DOCK3: variants seen among roughly 807,000 people sequenced by gnomAD.
DOCK3 encodes the protein dedicator of cytokinesis 3.
In DOCK3, 60 loss-of-function variants were observed where a neutral mutation model predicts 265.6. The ratio of observed to expected loss-of-function variants is 0.23; its 90% confidence interval spans 0.18 to 0.28. DOCK3 has a LOEUF of 0.28. DOCK3 is among the 10% of genes least tolerant of loss of function. DOCK3 has a pLI of 1.00. For missense variants in DOCK3, 1,981 were observed against 2,594.3 expected (o/e 0.76, Z 5.14); for synonymous variants, 881 against 938.0 (o/e 0.94, Z 1.11).
chr3:51,258,186 T>TA (rs1485742611), intron 22 of DOCK3, among the ~76,000 whole-genome samples: 2 of 152,228 alleles, frequency 1.3e-5, no homozygotes, highest in African/African-American at 4.8e-5. Context: ...TCTCTTGTGA[T>TA]AACTGTTTCA....
rs574260904 is a variant in DOCK3, at chr3:51,336,910, T to G, written c.3612-1449T>G. The G allele has an allele frequency of 6.6e-6, 3 of 456,052 alleles. No homozygotes were observed. The Admixed American group carries it at 7.0e-5, about 11-fold the overall frequency. The allele number at this position is 456,052 out of a possible 1,614,324, so 28.3% of individuals were successfully genotyped here. A position where few individuals can be genotyped will look rare whatever the true frequency, so the allele number is the denominator to read the frequency against. ...TGGCTAGGTAAAATCTCACTGCCCT[T>G]CATGGGGCCAACTTACTGGGGAGAC... On this transcript the variant is annotated intron_variant, in intron 35 of 52. Coordinates refer to ENST00000266037, the MANE Select transcript of DOCK3 (RefSeq NM_004947.5).
chr3:51,348,711 G>T, intron 38 of DOCK3, 141 bp from the exon 39 acceptor site: 1 of 784,886 alleles, frequency 1.3e-6, no homozygotes. Context: ...CCCCAAATTG[G>T]TCTTGAGGTA....
intron 5 of DOCK3, among the ~76,000 whole-genome samples, chr3:50,950,281 G>A (rs1247522561): frequency 6.6e-6 from 1 of 152,010 alleles, no homozygotes; most frequent in Non-Finnish European, 1.5e-5. Flanking sequence ...AAAATCTACT[G>A]ACTCTTGCTT....
chr3:50,747,733 G>T (rs143459265), intron 1 of DOCK3, among the ~76,000 whole-genome samples: 1 of 151,910 alleles, frequency 6.6e-6, no homozygotes, highest in African/African-American at 2.4e-5. Flanking sequence ...GCATGGTGGC[G>T]CATGCCTATA....
intron 12 of DOCK3, among the ~76,000 whole-genome samples, chr3:51,166,051 CTTT>C (rs754621873): frequency 2.3e-5 from 3 of 133,168 alleles, no homozygotes; most frequent in Non-Finnish European, 4.9e-5. Flanking sequence ...TATATATATT[CTTT>C]TTTTTTTTTT....
At chr3:51,340,948 C>CA (rs1279664173) in intron 37 of DOCK3, among the ~76,000 whole-genome samples, 1 of 152,200 alleles carries the variant, frequency 6.6e-6, no homozygotes, top group African/African-American at 2.4e-5. Flanking sequence ...AGCCTGTGCA[C>CA]AGATTTTTGG....
chr3:50,703,854 T>C (rs1340099981), intron 1 of DOCK3, among the ~76,000 whole-genome samples: 8 of 152,104 alleles, frequency 5.3e-5, no homozygotes, highest in Non-Finnish European at 1.0e-4. Context: ...TTTATTCTTT[T>C]CTAGTTCCTT....
intron 4 of DOCK3, among the ~76,000 whole-genome samples, chr3:50,912,614 G>A (rs972426536): frequency 6.6e-6 from 1 of 152,128 alleles, no homozygotes; most frequent in African/African-American, 2.4e-5. Flanking sequence ...TCTACTTGGT[G>A]TTCTATTGTG....
chr3:50,716,357 C>G (rs1167672784), intron 1 of DOCK3, among the ~76,000 whole-genome samples: 1 of 151,966 alleles, frequency 6.6e-6, no homozygotes, highest in African/African-American at 2.4e-5. Flanking sequence ...GAAACCCCAT[C>G]TCTACTAAAA....
At chr3:51,009,611 A>G (rs945908783) in intron 5 of DOCK3, among the ~76,000 whole-genome samples, 18 of 151,886 alleles carry the variant, frequency 1.2e-4, no homozygotes, top group African/African-American at 3.9e-4. Context: ...TTGTATCTCT[A>G]TCTCCTTCAG....
intron 22 of DOCK3, among the ~76,000 whole-genome samples, chr3:51,248,426 C>A (rs533581771): frequency 6.6e-6 from 1 of 152,372 alleles, no homozygotes; most frequent in South Asian, 2.1e-4. Flanking sequence ...AGCTCCTAAC[C>A]GCGAGTGATC....
At chr3:50,989,988 A>G (rs1003190101) in intron 5 of DOCK3, among the ~76,000 whole-genome samples, 2 of 152,230 alleles carry the variant, frequency 1.3e-5, no homozygotes, top group African/African-American at 4.8e-5. Flanking sequence ...AAATAACACA[A>G]TATAAGAATT....
intron 3 of DOCK3, among the ~76,000 whole-genome samples, chr3:50,878,123 G>A (rs1275447499): frequency 2.6e-5 from 4 of 152,138 alleles, no homozygotes; most frequent in African/African-American, 7.2e-5. Context: ...CCATCTGTAC[G>A]TCACCATCAT....
At chr3:50,995,627 A>C (rs28368540) in intron 5 of DOCK3, among the ~76,000 whole-genome samples, 1 of 152,212 alleles carries the variant, frequency 6.6e-6, no homozygotes. Flanking sequence ...TCTACTCCCT[A>C]ACAAGTAGTA....
intron 7 of DOCK3, among the ~76,000 whole-genome samples, chr3:51,077,517 C>A (rs549245738): frequency 6.6e-6 from 1 of 152,200 alleles, no homozygotes; most frequent in East Asian, 1.9e-4. Context: ...TTGTTGGATT[C>A]TGAATATATT....
chr3:51,336,989 C>G, intron 35 of DOCK3: 1 of 427,956 alleles, frequency 2.3e-6, no homozygotes, highest in Non-Finnish European at 4.7e-6. Flanking sequence ...CATCTGACCT[C>G]AGCCTCACTC....
intron 2 of DOCK3, among the ~76,000 whole-genome samples, chr3:50,829,646 C>G (rs1258682503): frequency 1.3e-5 from 2 of 152,140 alleles, no homozygotes; most frequent in African/African-American, 4.8e-5. Context: ...ATTATAGTGT[C>G]TGAAGTTCTG....
chr3:51,081,010 A>G (rs2082216542), intron 7 of DOCK3, among the ~76,000 whole-genome samples: 1 of 151,350 alleles, frequency 6.6e-6, no homozygotes, highest in Non-Finnish European at 1.5e-5. Flanking sequence ...CTTGATTTTT[A>G]TATTTCATAT....
At chr3:50,733,333 T>C (rs535204492) in intron 1 of DOCK3, among the ~76,000 whole-genome samples, 1 of 152,350 alleles carries the variant, frequency 6.6e-6, no homozygotes, top group East Asian at 1.9e-4. Context: ...ATTAAAGTTC[T>C]CTACCATTAT....
Sources: gnomAD v4.1 joint callset for allele counts (sites outside exome capture counted in the v4.1 genomes callset) on GRCh38, gnomAD v4.1.1 for gene constraint, MANE v1.5 for transcripts, NCBI Gene and HGNC (gene_info 2026-07-23, HGNC 2026-07-21) for gene names.